IL1RAPL2: variants seen among roughly 807,000 people sequenced by gnomAD.
The protein encoded by IL1RAPL2 is interleukin 1 receptor accessory protein like 2.
A neutral mutation model predicts 44.1 loss-of-function variants in IL1RAPL2; 3 were observed. The ratio of observed to expected loss-of-function variants is 0.07; its 90% CI spans 0.03 to 0.18. The LOEUF (loss-of-function observed/expected upper bound fraction) is 0.18, where lower values mean the gene tolerates loss of function less well. Ranked by LOEUF, IL1RAPL2 falls within the 10% of genes least tolerant of loss-of-function variation. IL1RAPL2 has a pLI of 1.00. For missense variants in IL1RAPL2, 391 were observed against 496.4 expected (o/e 0.79, Z 2.02); for synonymous variants, 181 against 178.8 (o/e 1.01, Z -0.10).
chrX:104,653,531 C>T (rs1000198243), intron 1 of IL1RAPL2, among the ~76,000 whole-genome samples: 2 of 111,251 alleles, frequency 1.8e-5, no homozygotes, highest in African/African-American at 3.3e-5. Context: ...CAAAACGTAG[C>T]CTTCTCCTCC....
intron 8 of IL1RAPL2, among the ~76,000 whole-genome samples, chrX:105,741,185 T>C (rs991355646): frequency 2.7e-5 from 3 of 111,961 alleles, no homozygotes; most frequent in African/African-American, 9.7e-5. Context: ...TATTAAGAGA[T>C]CTTTATCAGG....
chrX:105,383,374 G>A (rs2035452253), intron 5 of IL1RAPL2, among the ~76,000 whole-genome samples: 1 of 110,915 alleles, frequency 9.0e-6, no homozygotes, highest in African/African-American at 3.3e-5. Flanking sequence ...TCTTTTCCTG[G>A]CTTATTTCAC....
chrX:104,940,492 C>T (rs1028092318), intron 2 of IL1RAPL2, among the ~76,000 whole-genome samples: 2 of 111,218 alleles, frequency 1.8e-5, no homozygotes, highest in Non-Finnish European at 3.8e-5. Flanking sequence ...AAAGTAAATG[C>T]CCCACTAGAA....
At chrX:105,386,145 T>A (rs1294853699) in intron 5 of IL1RAPL2, among the ~76,000 whole-genome samples, 1 of 111,942 alleles carries the variant, frequency 8.9e-6, no homozygotes, top group Non-Finnish European at 1.9e-5. Flanking sequence ...TAAATTATGT[T>A]TATTATACGT....
intron 2 of IL1RAPL2, among the ~76,000 whole-genome samples, chrX:104,876,427 G>T (rs184936748): frequency 9.0e-6 from 1 of 111,607 alleles, no homozygotes; most frequent in South Asian, 3.8e-4. Flanking sequence ...AAGACTTTAA[G>T]AAGTCAAAGA....
intron 3 of IL1RAPL2, among the ~76,000 whole-genome samples, chrX:105,210,227 A>C (rs782317713): frequency 9.0e-6 from 1 of 111,367 alleles, no homozygotes; most frequent in Non-Finnish European, 1.9e-5. Flanking sequence ...GCCTTTCCAA[A>C]CCCATCCACC....
chrX:104,837,234 G>A (rs1921766400), intron 2 of IL1RAPL2, among the ~76,000 whole-genome samples: 1 of 111,351 alleles, frequency 9.0e-6, no homozygotes, highest in Non-Finnish European at 1.9e-5. Flanking sequence ...ATTCCTTTGG[G>A]TACATAGCCA....
chrX:104,904,652 A>C (rs1490304421), intron 2 of IL1RAPL2, among the ~76,000 whole-genome samples: 30 of 109,941 alleles, frequency 2.7e-4, no homozygotes, highest in African/African-American at 9.3e-4. Flanking sequence ...TTATGGCTGC[A>C]TAGTATTCCA....
At chrX:105,315,382 T>TA (rs1174981925) in intron 5 of IL1RAPL2, among the ~76,000 whole-genome samples, 54 of 103,728 alleles carry the variant, frequency 5.2e-4, no homozygotes, top group African/African-American at 8.5e-4. Flanking sequence ...TACCTTTTTT[T>TA]AAAAAAAAAT....
intron 2 of IL1RAPL2, among the ~76,000 whole-genome samples, chrX:104,672,376 T>C (rs1419657304): frequency 9.0e-6 from 1 of 110,944 alleles, no homozygotes; most frequent in Non-Finnish European, 1.9e-5. Flanking sequence ...GATAGTTTAC[T>C]GAGAATGATG....
intron 2 of IL1RAPL2, among the ~76,000 whole-genome samples, chrX:105,032,765 A>G (rs1367146123): frequency 9.0e-6 from 1 of 110,977 alleles, no homozygotes; most frequent in African/African-American, 3.3e-5. Flanking sequence ...AGATGAGTTC[A>G]GTTCCTGGGT....
intron 6 of IL1RAPL2, among the ~76,000 whole-genome samples, chrX:105,620,068 C>A (rs762409903): frequency 9.0e-6 from 1 of 110,782 alleles, no homozygotes; most frequent in African/African-American, 3.3e-5. Flanking sequence ...AATTTCACTC[C>A]TATAATAGTG....
intron 6 of IL1RAPL2, among the ~76,000 whole-genome samples, chrX:105,618,030 T>G (rs2037390213): frequency 9.1e-6 from 1 of 110,473 alleles, no homozygotes; most frequent in African/African-American, 3.3e-5. Context: ...ACCTGATTAT[T>G]TGGAGACCAC....
intron 2 of IL1RAPL2, among the ~76,000 whole-genome samples, chrX:104,883,884 T>C (rs976784938): frequency 8.9e-6 from 1 of 111,883 alleles, no homozygotes; most frequent in East Asian, 2.8e-4. Flanking sequence ...CCTATTCATA[T>C]AAGTGAGGAC....
chrX:104,585,277 ATAT>A, intron 1 of IL1RAPL2, among the ~76,000 whole-genome samples: 1 of 18,152 alleles, frequency 5.5e-5, no homozygotes, highest in Non-Finnish European at 7.5e-5. Context: ...TATATTATAT[ATAT>A]TATATAATAT....
chrX:104,946,555 TCCCTCCC>T (rs1449273375), intron 2 of IL1RAPL2, among the ~76,000 whole-genome samples: 27 of 57,147 alleles, frequency 4.7e-4, no homozygotes, highest in African/African-American at 1.7e-3. Flanking sequence ...CCCAATGCTA[TCCCTCCC>T]CCCTCCCCCC....
At chrX:104,761,923 C>T (rs28887310) in intron 2 of IL1RAPL2, among the ~76,000 whole-genome samples, 45 of 30,775 alleles carry the variant, frequency 1.5e-3, no homozygotes, top group South Asian at 2.7e-3. Flanking sequence ...TTCTCCTTCT[C>T]CTTCTTCTTC....
intron 5 of IL1RAPL2, among the ~76,000 whole-genome samples, chrX:105,417,363 C>G (rs1305189446): frequency 8.9e-6 from 1 of 112,032 alleles, no homozygotes; most frequent in Admixed American, 9.4e-5. Flanking sequence ...ATCCCAGCTA[C>G]TTGGGAGGCT....
intron 1 of IL1RAPL2, among the ~76,000 whole-genome samples, chrX:104,633,348 G>A (rs1207770845): frequency 9.0e-6 from 1 of 111,475 alleles, no homozygotes; most frequent in Non-Finnish European, 1.9e-5. Context: ...GGATGATACT[G>A]GCCTCATAAA....
Sources: gnomAD v4.1 joint callset for allele counts (sites outside exome capture counted in the v4.1 genomes callset) on GRCh38, gnomAD v4.1.1 for gene constraint, MANE v1.5 for transcripts, NCBI Gene and HGNC (gene_info 2026-07-23, HGNC 2026-07-21) for gene names.